The following WSB1 variants were observed in gnomAD, a reference collection of about 807,000 sequenced individuals.
WSB1 encodes WD repeat and SOCS box-containing protein 1.
A neutral mutation model predicts 50.2 loss-of-function variants in WSB1; 23 were observed. That is an observed-to-expected ratio of 0.46 (90% CI 0.33 to 0.65). WSB1 has a LOEUF of 0.65. WSB1 is among the 30% of genes least tolerant of loss of function. The pLI is 0.02. For missense variants in WSB1, 492 were observed against 522.3 expected, an observed-to-expected ratio of 0.94 and a Z score of 0.56; for synonymous variants, 179 against 172.0, an observed-to-expected ratio of 1.04 and a Z score of -0.32.
At chr17:27,305,403 A>G (rs1245058051) in intron 4 of WSB1, among the ~76,000 whole-genome samples, 5 of 152,266 alleles carry the variant, frequency 3.3e-5, no homozygotes, top group Non-Finnish European at 2.9e-5. Context: ...TTTTATAAAA[A>G]GTGAAAGATT....
At chr17:27,309,355 C>A in intron 6 of WSB1, 83 bp downstream of exon 6, 1 of 1,177,930 alleles carries the variant, frequency 8.5e-7, no homozygotes, top group Non-Finnish European at 1.2e-6. Flanking sequence ...CCAATATATG[C>A]AACCTAAAAT....
rs758738988 is a variant in WSB1, at chr17:27,310,116, G to C, written c.940G>C (p.Val314Leu). The C allele has an allele frequency of 6.2e-7, 1 of 1,614,116 alleles. No individual in the cohort carries two copies. Among genetic ancestry groups the C allele is most frequent in the South Asian group, 1.1e-5 (1 of 91,074 alleles). ...IFAGGANDRWVRSVSFSHDGL... is the reference protein window; with the variant it reads ...IFAGGANDRWLRSVSFSHDGL... ...TGCTGGAGGAGCAAATGACCGGTGG[G>C]TACGATCTGTATCTTTTAGCCATGA... Residue 314 changes from valine (V) to leucine (L), a missense_variant, in exon 7 of 9, where the codon GTA becomes CTA. Val to Leu is a conservative substitution (Grantham distance 32, BLOSUM62 1). Transcript: ENST00000262394.
In WSB1 at chr17:27,294,418, T is replaced by G; in HGVS notation, c.23T>G (p.Val8Gly). 6.2e-7 allele frequency: 1 copy of G among 1,612,976 alleles called. No individual in the cohort carries two copies. The highest frequency in any genetic ancestry group is 8.5e-7 in the Non-Finnish European group (1 of 1,179,520). Residue 8 changes from valine to glycine, a missense_variant, in exon 1 of 9, where the codon GTC becomes GGC. Val to Gly is a moderately radical substitution (Grantham distance 109). Coordinates refer to ENST00000262394, the MANE Select transcript of WSB1 (RefSeq NM_015626.10). ...TAGATGGCCAGCTTTCCCCCGAGGGTCAACGAGAAAGAGATCGGTGAGGAT... is the reference window on the plus strand; with the variant it reads ...TAGATGGCCAGCTTTCCCCCGAGGGGCAACGAGAAAGAGATCGGTGAGGAT... MASFPPR[V>G]NEKEIVRLRT...
Position 27,304,891 on chromosome 17 carries a change from T to G in WSB1, c.590T>G (p.Val197Gly), listed in dbSNP as rs750019614. The G allele has an allele frequency of 6.2e-7, 1 of 1,613,752 alleles. No individual in the cohort carries two copies. Among genetic ancestry groups the G allele is most frequent in the Non-Finnish European group, 8.5e-7 (1 of 1,179,928 alleles). ...GCTTCAAGAGACAAAACTCTCAGAGTATGGGACCTGAAAGATGATGGTATG... is the reference window on the plus strand; with the variant it reads ...GCTTCAAGAGACAAAACTCTCAGAGGATGGGACCTGAAAGATGATGGTATG... ...VSASRDKTLRVWDLKDDGNMM... is the reference protein window; with the variant it reads ...VSASRDKTLRGWDLKDDGNMM... Residue 197 changes from valine to glycine, a missense_variant, in exon 4 of 9, where the codon GTA becomes GGA. Val to Gly is a moderately radical substitution (Grantham distance 109, BLOSUM62 -3). Coordinates refer to ENST00000262394, the MANE Select transcript of WSB1 (RefSeq NM_015626.10).
intron 5 of WSB1, chr17:27,308,629 T>A: frequency 1.0e-6 from 1 of 986,138 alleles, no homozygotes; most frequent in Non-Finnish European, 1.2e-6. Flanking sequence ...CCAAGCCTAT[T>A]GTAAACAAGT....
chr17:27,308,105 A>AT, intron 5 of WSB1: 1 of 1,083,472 alleles, frequency 9.2e-7, no homozygotes, highest in South Asian at 4.5e-5. Context: ...TCTCTGTGCT[A>AT]TTTTTTGGAA....
At chr17:27,311,417 C>G (rs2017671282) in intron 7 of WSB1, 92 bp from the exon 8 acceptor site, 1 of 921,044 alleles carries the variant, frequency 1.1e-6, no homozygotes. Context: ...TTTTGTGACT[C>G]ATAACTCAAT....
intron 5 of WSB1, chr17:27,308,692 TTCTG>T: frequency 2.0e-6 from 2 of 987,114 alleles, no homozygotes; most frequent in Non-Finnish European, 2.4e-6. Flanking sequence ...ACCTTACGTT[TTCTG>T]TCTGTATATT....
chr17:27,296,788 T>G (rs2016998976), intron 1 of WSB1, among the ~76,000 whole-genome samples: 1 of 152,246 alleles, frequency 6.6e-6, no homozygotes, highest in South Asian at 2.1e-4. Context: ...ATAAGGTCAT[T>G]AAATCATACA....
Position 27,294,225 on chromosome 17 carries a change from C to T in WSB1, c.-171C>T, listed in dbSNP as rs2016847043. The T allele has an allele frequency of 2.5e-6, 2 of 812,268 alleles. No homozygotes were observed. Among genetic ancestry groups the T allele is most frequent in the Non-Finnish European group, 3.9e-6 (2 of 518,092 alleles). 50.3% of individuals were successfully genotyped at this position (812,268 alleles called of 1,614,324 possible). A position where few individuals can be genotyped will look rare whatever the true frequency, so the allele number is the denominator to read the frequency against. ...ACTCCGTACTTTGGTCTGAGGCCTT[C>T]GGGAGCTTTCCCGAGGCAGTTAGCA... On this transcript the variant is annotated 5_prime_UTR_variant, in exon 1 of 9. Transcript: ENST00000262394.
At chr17:27,302,212 A>G (rs563437564) in intron 2 of WSB1, among the ~76,000 whole-genome samples, 1 of 152,118 alleles carries the variant, frequency 6.6e-6, no homozygotes, top group East Asian at 1.9e-4. Flanking sequence ...GGAGTTTGAT[A>G]CCCGCCTGGC....
chr17:27,312,218 A>G lies in WSB1; in HGVS notation c.1115A>G (p.Asp372Gly), dbSNP rs2017711936. 6.2e-7 allele frequency: 1 copy of G among 1,611,286 alleles called. No homozygotes were observed. Residue 372 changes from aspartate to glycine, a missense_variant, in exon 9 of 9, where the codon GAC (aspartate) becomes GGC (glycine). Transcript: ENST00000262394. ...DGSVLAAGTH[D>G]GSVYFWATPR... ...GCTTTGTTTCTGTTTAGGACACATG[A>G]CGGAAGTGTGTATTTTTGGGCCACT...
chr17:27,297,278 G>C (rs1597750101), intron 1 of WSB1: 1 of 152,046 alleles, frequency 6.6e-6, no homozygotes, highest in East Asian at 1.9e-4. Context: ...CAGTTCTCCT[G>C]CCTCACCCTC....
At chr17:27,308,527 A>G in intron 5 of WSB1, 1 of 985,820 alleles carries the variant, frequency 1.0e-6, no homozygotes, top group South Asian at 4.7e-5. Flanking sequence ...GTGGTTTAAC[A>G]TCCTTGTTGT....
At chr17:27,301,993 G>T in intron 2 of WSB1, 37 bp downstream of exon 2, 1 of 1,509,030 alleles carries the variant, frequency 6.6e-7, no homozygotes, top group South Asian at 1.4e-5. Context: ...GTATCTGTTT[G>T]TGGAATTTAC....
intron 8 of WSB1, among the ~76,000 whole-genome samples, 196 bp downstream of exon 8, chr17:27,311,812 T>C (rs2017695059): frequency 6.6e-6 from 1 of 151,858 alleles, no homozygotes; most frequent in Non-Finnish European, 1.5e-5. Context: ...ATTTGTTTGT[T>C]CGTTTTTCCA....
At chr17:27,298,850 C>G (rs2017103206) in intron 1 of WSB1, among the ~76,000 whole-genome samples, 1 of 151,806 alleles carries the variant, frequency 6.6e-6, no homozygotes. Context: ...GGCGACAGAG[C>G]AAGACTGTCT....
At chr17:27,305,757 CTG>C (rs1458747408) in intron 4 of WSB1, among the ~76,000 whole-genome samples, 1 of 152,196 alleles carries the variant, frequency 6.6e-6, no homozygotes, top group Non-Finnish European at 1.5e-5. Context: ...AGGACCTTCT[CTG>C]TGTTTTATCT....
chr17:27,302,135 G>A, intron 2 of WSB1, 179 bp downstream of exon 2: 1 of 804,490 alleles, frequency 1.2e-6, no homozygotes, highest in Admixed American at 3.8e-5. Context: ...TTTGGGCCGG[G>A]CGCGGCGGCT....
Sources: allele counts gnomAD v4.1 joint callset (sites outside exome capture counted in the v4.1 genomes callset), GRCh38; gene constraint gnomAD v4.1.1; transcripts MANE v1.5; gene names NCBI Gene and HGNC (gene_info 2026-07-23, HGNC 2026-07-21).